Variants in LYST observed in about 807,000 individuals in gnomAD.
LYST encodes the protein lysosomal-trafficking regulator.
A neutral mutation model predicts 413.6 loss-of-function variants in LYST; 192 were observed. That is an observed-to-expected ratio of 0.46 (90% CI 0.41 to 0.52). The LOEUF (loss-of-function observed/expected upper bound fraction) is 0.52. Among genes scored for constraint, LYST ranks in the 20% least tolerant of loss-of-function variants. The pLI is 0.00. For missense variants in LYST, 3,815 were observed against 4,499.9 expected, an observed-to-expected ratio of 0.85 and a Z score of 4.35; for synonymous variants, 1,525 against 1,567.3, an observed-to-expected ratio of 0.97 and a Z score of 0.64.
intron 10 of LYST, among the ~76,000 whole-genome samples, chr1:235,794,005 G>A (rs1449245881): frequency 6.6e-6 from 1 of 151,908 alleles, no homozygotes; most frequent in Non-Finnish European, 1.5e-5. Flanking sequence ...GGTAATTTTT[G>A]TATTTTTAGA....
chr1:235,692,749 C>T (rs1258055257), intron 47 of LYST, among the ~76,000 whole-genome samples: 4 of 152,040 alleles, frequency 2.6e-5, no homozygotes, highest in Non-Finnish European at 5.9e-5. Flanking sequence ...ATGGGCCAGA[C>T]ACAGTGGCTC....
In LYST at chr1:235,664,272, A is replaced by G. The variant is rs1658258490; in HGVS notation, c.11195+193T>C. ...TGTTAATCTTTTATAGTTAACATAA[A>G]ACTTCAAAACTGTGCTAAAGCTATC... On this transcript the variant is annotated intron_variant, in intron 51 of 52. Coordinates refer to ENST00000389793, the MANE Select transcript of LYST (RefSeq NM_000081.4). This position sits in a 1 kb window ranked among gnomAD's most constrained non-coding sequence, Gnocchi z 4.5. Among the ~76,000 whole-genome samples the G allele has an allele frequency of 1.3e-5, 2 of 152,204 alleles. No individual in the cohort carries two copies. Among genetic ancestry groups the G allele is most frequent in the Admixed American group, 1.3e-4 (2 of 15,284 alleles).
rs149689763 is a variant in LYST, at chr1:235,740,877, G to A, written c.8358+545C>T. On this transcript the variant is annotated intron_variant, in intron 31 of 52. Coordinates refer to ENST00000389793, the MANE Select transcript of LYST (RefSeq NM_000081.4). Reference sequence around the variant, plus strand: ...TATATGTTTAATTTTTTAAGAAACTGTTAAACAGCCCTCCAATATGGTTTA... The same window carrying A: ...TATATGTTTAATTTTTTAAGAAACTATTAAACAGCCCTCCAATATGGTTTA... Among the ~76,000 whole-genome samples, 10 of 152,234 alleles carry A rather than the reference G, an allele frequency of 6.6e-5. No individual in the cohort carries two copies. The East Asian group carries it at 1.9e-3, about 29-fold the overall frequency.
intron 31 of LYST, chr1:235,738,264 T>C: frequency 6.2e-7 from 1 of 1,611,182 alleles, no homozygotes; most frequent in South Asian, 1.1e-5. Flanking sequence ...AACTGTAAAC[T>C]CCAAGCTGGT....
chr1:235,785,806 A>G (rs991421423), intron 14 of LYST, among the ~76,000 whole-genome samples: 2 of 152,314 alleles, frequency 1.3e-5, no homozygotes, highest in South Asian at 2.1e-4. Flanking sequence ...TTCATTCAAT[A>G]CAATACTTCC....
chr1:235,703,121 TCTCA>T, intron 44 of LYST, 144 bp from the exon 45 acceptor site: 1 of 668,598 alleles, frequency 1.5e-6, no homozygotes, highest in Non-Finnish European at 2.7e-6. Flanking sequence ...TCACTCATGG[TCTCA>T]CTGAGATCAG....
chr1:235,850,763 C>T (rs1678434162), intron 1 of LYST, among the ~76,000 whole-genome samples: 1 of 152,110 alleles, frequency 6.6e-6, no homozygotes, highest in Non-Finnish European at 1.5e-5. Context: ...GGCCAACAAA[C>T]ATATGAAAAA....
chr1:235,859,404 T>C, intron 1 of LYST, among the ~76,000 whole-genome samples: 1 of 152,098 alleles, frequency 6.6e-6, no homozygotes, highest in East Asian at 1.9e-4. Context: ...TTCTACCCAC[T>C]AACCTCCCTT....
At chr1:235,790,481 T>A (rs1388926071) in intron 12 of LYST, among the ~76,000 whole-genome samples, 1 of 152,208 alleles carries the variant, frequency 6.6e-6, no homozygotes, top group Non-Finnish European at 1.5e-5. Flanking sequence ...ATAAATATTA[T>A]CACATGTAGA....
At chr1:235,724,860 A>G (rs964119395) in intron 38 of LYST, among the ~76,000 whole-genome samples, 1 of 152,242 alleles carries the variant, frequency 6.6e-6, no homozygotes, top group South Asian at 2.1e-4. Context: ...AAGGGAAATG[A>G]CATCCCCAGA....
At chr1:235,783,056 C>T (rs925682289) in intron 14 of LYST, among the ~76,000 whole-genome samples, 2 of 152,172 alleles carry the variant, frequency 1.3e-5, no homozygotes, top group Admixed American at 6.5e-5. Flanking sequence ...AGTGAAACCA[C>T]AGAGCTCTAC....
At chr1:235,694,593 G>C (rs1660943801) in intron 46 of LYST, among the ~76,000 whole-genome samples, 1 of 152,164 alleles carries the variant, frequency 6.6e-6, no homozygotes, top group South Asian at 2.1e-4. Context: ...CAACAGCATA[G>C]TGAAAATAGG....
chr1:235,760,586 T>C (rs1667488588), intron 22 of LYST, among the ~76,000 whole-genome samples: 1 of 152,132 alleles, frequency 6.6e-6, no homozygotes, highest in Admixed American at 6.6e-5. Context: ...ATACCACCTG[T>C]GGGATTGTTG....
rs80338660 is a variant in LYST at position 235,766,122 on chromosome 1, G to T, written c.6078C>A (p.Tyr2026Ter). Residue 2026 changes from tyrosine to a stop codon, truncating the protein, a stop_gained, in exon 21 of 53, where the codon TAC becomes TAA. Transcript: ENST00000389793. LOFTEE classifies it high-confidence loss of function. ...AGAAGTTCGTGGGATTGTGACAAAC[G>T]TAAGTATTAGTAGGAGGGTGAACTG... ...LLAVHPPTNT[Y>*]VCHNPTNFYF... The T allele has an allele frequency of 1.9e-6, 3 of 1,613,446 alleles. No homozygotes were observed. Among genetic ancestry groups the T allele is most frequent in the African/African-American group, 2.7e-5 (2 of 74,892 alleles).
chr1:235,672,835 T>C (rs1318516517), intron 50 of LYST, among the ~76,000 whole-genome samples: 1 of 152,166 alleles, frequency 6.6e-6, no homozygotes, highest in East Asian at 1.9e-4. Flanking sequence ...CTTATTTAAA[T>C]TCCACTACTG....
At chr1:235,755,440 A>G (rs773987050) in intron 25 of LYST, 38 bp downstream of exon 25, 1 of 1,430,230 alleles carries the variant, frequency 7.0e-7, no homozygotes, top group South Asian at 1.2e-5. Flanking sequence ...AAAAAGACAA[A>G]AGATTCCCAA....
At chr1:235,806,871 T>G in intron 5 of LYST, 99 bp from the exon 6 acceptor site, 1 of 789,366 alleles carries the variant, frequency 1.3e-6, no homozygotes, top group South Asian at 1.6e-5. Context: ...GCATGTGGGA[T>G]ATACTAACCA....
chr1:235,663,999 T>C lies in LYST; in HGVS notation c.11252A>G (p.Asn3751Ser). The C allele has an allele frequency of 6.2e-7, 1 of 1,612,602 alleles. No homozygotes were observed. The highest frequency in any genetic ancestry group is 8.5e-7 in the Non-Finnish European group (1 of 1,178,554). Reference protein sequence around the residue: ...PVREITFPKSNKPIISLTFSC... With the variant: ...PVREITFPKSSKPIISLTFSC... ...AAGATCTTACCTGATGATGGGCTTA[T>C]TTGATTTGGGAAATGTAATTTCTCT... Residue 3751 changes from asparagine to serine, a missense_variant, in exon 52 of 53, where the codon AAT (asparagine) becomes AGT (serine). Physicochemically the swap from Asn to Ser is conservative, Grantham distance 46. This residue lies in a region of LYST where 866 missense variants were observed against 1,156.0 expected (regional missense o/e 0.75). Coordinates refer to ENST00000389793, the MANE Select transcript of LYST (RefSeq NM_000081.4).
chr1:235,799,329 T>C (rs1305668778), intron 10 of LYST, among the ~76,000 whole-genome samples: 1 of 152,158 alleles, frequency 6.6e-6, no homozygotes, highest in Non-Finnish European at 1.5e-5. Context: ...TACATTTACA[T>C]AGTCTCAAGT....
Sources: allele counts gnomAD v4.1 joint callset (sites outside exome capture counted in the v4.1 genomes callset), GRCh38; gene constraint gnomAD v4.1.1; regional missense constraint gnomAD v4.1.1; non-coding constraint Gnocchi (gnomAD v3.1); transcripts MANE v1.5; gene names NCBI Gene and HGNC (gene_info 2026-07-23, HGNC 2026-07-21).